The following GPC5 variants were observed in gnomAD, a reference collection of about 807,000 sequenced individuals.
GPC5 encodes the protein glypican 5.
Under a neutral mutation model 53.9 loss-of-function variants are expected in GPC5, and 47 were observed. The ratio of observed to expected loss-of-function variants is 0.87; its 90% confidence interval spans 0.69 to 1.11. The LOEUF (loss-of-function observed/expected upper bound fraction) is 1.11. Ranked by LOEUF, GPC5 falls within the 50% of genes most tolerant of loss-of-function variation. The probability of loss-of-function intolerance (pLI) is 0.00; values close to 1 mark genes in which losing one functional copy is unlikely to be tolerated. For missense variants in GPC5, 748 were observed against 713.1 expected (o/e 1.05, Z -0.56); for synonymous variants, 286 against 263.3 (o/e 1.09, Z -0.84).
chr13:92,827,835 C>G (rs566461990), intron 7 of GPC5, among the ~76,000 whole-genome samples: 1 of 152,030 alleles, frequency 6.6e-6, no homozygotes, highest in Non-Finnish European at 1.5e-5. Flanking sequence ...CCAGAAATGA[C>G]AACGGTTGGA....
chr13:91,942,899 T>C (rs1167619440), intron 6 of GPC5, among the ~76,000 whole-genome samples: 3 of 152,124 alleles, frequency 2.0e-5, no homozygotes, highest in Non-Finnish European at 4.4e-5. Flanking sequence ...CATATACATA[T>C]TTAAGAAAAT....
At chr13:92,644,642 A>T (rs1885706836) in intron 7 of GPC5, among the ~76,000 whole-genome samples, 1 of 152,180 alleles carries the variant, frequency 6.6e-6, no homozygotes, top group South Asian at 2.1e-4. Context: ...CTATCCTTTT[A>T]TGTCACTCAA....
At chr13:91,643,907 A>C (rs2034494572) in intron 2 of GPC5, among the ~76,000 whole-genome samples, 1 of 152,080 alleles carries the variant, frequency 6.6e-6, no homozygotes, top group Non-Finnish European at 1.5e-5. Flanking sequence ...AAAAGGTCAC[A>C]TTTTGAGCTA....
intron 1 of GPC5, among the ~76,000 whole-genome samples, chr13:91,412,737 A>G (rs1877902466): frequency 6.6e-6 from 1 of 152,210 alleles, no homozygotes. Flanking sequence ...ATTCTCATCT[A>G]CAAACACTGA....
intron 7 of GPC5, among the ~76,000 whole-genome samples, chr13:92,630,638 C>A (rs1243068876): frequency 6.6e-6 from 1 of 152,022 alleles, no homozygotes. Flanking sequence ...ACGTGTATAC[C>A]TATGTAACAA....
At chr13:91,652,129 G>A (rs2034727036) in intron 2 of GPC5, among the ~76,000 whole-genome samples, 1 of 151,858 alleles carries the variant, frequency 6.6e-6, no homozygotes, top group Non-Finnish European at 1.5e-5. Context: ...TGAAACCTCT[G>A]ATAGTCCTGA....
At chr13:92,866,134 G>C in intron 7 of GPC5, 148 bp from the exon 8 acceptor site, 1 of 507,938 alleles carries the variant, frequency 2.0e-6, no homozygotes, top group Non-Finnish European at 3.3e-6. Flanking sequence ...AGAAATACCT[G>C]TGTCATATTA....
At chr13:92,563,492 G>C (rs899143965) in intron 7 of GPC5, among the ~76,000 whole-genome samples, 1 of 151,856 alleles carries the variant, frequency 6.6e-6, no homozygotes, top group African/African-American at 2.4e-5. Flanking sequence ...CTCAATTAAT[G>C]CATTCTTTCT....
intron 7 of GPC5, among the ~76,000 whole-genome samples, chr13:92,351,181 C>G (rs1022808684): frequency 5.9e-5 from 9 of 151,498 alleles, no homozygotes; most frequent in African/African-American, 2.2e-4. Flanking sequence ...ACAAAATATA[C>G]GTTTTTCTAT....
At chr13:92,819,324 A>C (rs1299460062) in intron 7 of GPC5, among the ~76,000 whole-genome samples, 1 of 150,424 alleles carries the variant, frequency 6.6e-6, no homozygotes, top group African/African-American at 2.5e-5. Context: ...TGTGGACTTC[A>C]TAAGCACTGA....
chr13:92,304,500 C>T (rs939969754), intron 7 of GPC5, among the ~76,000 whole-genome samples: 7 of 152,044 alleles, frequency 4.6e-5, no homozygotes, highest in African/African-American at 1.7e-4. Flanking sequence ...CACTGCACTC[C>T]ACCCTCATTT....
intron 7 of GPC5, among the ~76,000 whole-genome samples, chr13:92,407,291 C>A (rs1215636694): frequency 1.3e-5 from 2 of 152,144 alleles, no homozygotes; most frequent in Non-Finnish European, 2.9e-5. Context: ...TTAATGACTT[C>A]TTTGAATGGC....
chr13:91,908,495 T>C (rs2039578074), intron 6 of GPC5, among the ~76,000 whole-genome samples: 1 of 152,166 alleles, frequency 6.6e-6, no homozygotes, highest in African/African-American at 2.4e-5. Flanking sequence ...ATAATATGTA[T>C]TTATAATATT....
intron 6 of GPC5, among the ~76,000 whole-genome samples, chr13:92,022,967 TA>T (rs2040771079): frequency 6.6e-6 from 1 of 152,108 alleles, no homozygotes; most frequent in Non-Finnish European, 1.5e-5. Flanking sequence ...TATAACACTA[TA>T]TTTTCCTAAG....
chr13:91,496,193 C>T (rs9560821), intron 2 of GPC5, among the ~76,000 whole-genome samples: 38,255 of 151,994 alleles, frequency 0.25, 5,511 homozygotes, highest in East Asian at 0.58. Context: ...AAATTATAAA[C>T]GATTTCAACA....
intron 5 of GPC5, among the ~76,000 whole-genome samples, chr13:91,797,575 T>C (rs1416603749): frequency 6.6e-6 from 1 of 152,164 alleles, no homozygotes; most frequent in Non-Finnish European, 1.5e-5. Flanking sequence ...AGTAAAAAGA[T>C]ATTTAACGTA....
intron 7 of GPC5, among the ~76,000 whole-genome samples, chr13:92,851,006 G>T (rs947049677): frequency 6.6e-6 from 1 of 152,126 alleles, no homozygotes; most frequent in Non-Finnish European, 1.5e-5. Context: ...ATCTAGCCCT[G>T]GGGAGGCCTC....
At position 92,846,122 on chromosome 13, in the gene GPC5, C is replaced by T. The variant is rs577334531; in HGVS notation, c.1562-20160C>T. ...GGTGAGGCCTCAGGAAACTTATAAT[C>T]ATAGGAGAAGGGGAAGCAAAAGCCT... is the stretch of plus-strand genomic sequence containing the variant. On this transcript the variant is annotated intron_variant, in intron 7 of 7. Coordinates refer to ENST00000377067, the MANE Select transcript of GPC5 (RefSeq NM_004466.6). 1.2e-4 allele frequency among the ~76,000 whole-genome samples: 18 copies of T among 152,130 alleles called. No individual in the cohort carries two copies. In the East Asian group the frequency reaches 2.7e-3, roughly 23 times the overall value.
At chr13:92,412,038 C>T (rs1353686901) in intron 7 of GPC5, among the ~76,000 whole-genome samples, 1 of 152,136 alleles carries the variant, frequency 6.6e-6, no homozygotes, top group African/African-American at 2.4e-5. Context: ...GATTATTAAC[C>T]TTTGACATAC....
Sources: allele counts gnomAD v4.1 joint callset (sites outside exome capture counted in the v4.1 genomes callset), GRCh38; gene constraint gnomAD v4.1.1; transcripts MANE v1.5; gene names NCBI Gene and HGNC (gene_info 2026-07-23, HGNC 2026-07-21).